Variants in BAIAP2L1 observed in about 807,000 individuals in gnomAD.
BAIAP2L1 encodes the protein BAR/IMD domain-containing adapter protein 2-like 1.
In BAIAP2L1, 35 loss-of-function variants were observed where a neutral mutation model predicts 66.3. The observed-to-expected ratio is 0.53, with a 90% CI of 0.40 to 0.70. The LOEUF (loss-of-function observed/expected upper bound fraction) is 0.70. BAIAP2L1 is among the 30% of genes least tolerant of loss of function. The pLI is 0.00. For missense variants in BAIAP2L1, 622 were observed against 656.9 expected (o/e 0.95, Z 0.58); for synonymous variants, 269 against 248.7 (o/e 1.08, Z -0.77).
chr7:98,356,211 G>C (rs919529279), intron 2 of BAIAP2L1, among the ~76,000 whole-genome samples: 1 of 152,192 alleles, frequency 6.6e-6, no homozygotes, highest in Non-Finnish European at 1.5e-5. Context: ...GTGAGTGACA[G>C]ATGAACAAAT....
chr7:98,343,115 C>T (rs771317165), intron 3 of BAIAP2L1, among the ~76,000 whole-genome samples: 1 of 151,708 alleles, frequency 6.6e-6, no homozygotes, highest in Non-Finnish European at 1.5e-5. Flanking sequence ...ACAGTGGGAG[C>T]GGCCAGGCGC....
chr7:98,363,842 T>G (rs1802329507), intron 1 of BAIAP2L1, among the ~76,000 whole-genome samples: 1 of 152,092 alleles, frequency 6.6e-6, no homozygotes, highest in Non-Finnish European at 1.5e-5. Context: ...CACATACCCT[T>G]CAGAATAAAT....
intron 2 of BAIAP2L1, 95 bp downstream of exon 2, chr7:98,362,262 T>TAA: frequency 1.1e-6 from 1 of 950,006 alleles, no homozygotes; most frequent in Non-Finnish European, 1.6e-6. Context: ...TTTAACCACT[T>TAA]AAAGGTATTT....
chr7:98,357,049 A>ATTTTT (rs750965128), intron 2 of BAIAP2L1, among the ~76,000 whole-genome samples: 2 of 12,614 alleles, frequency 1.6e-4, no homozygotes, highest in African/African-American at 2.8e-4. Context: ...ATATATATAT[A>ATTTTT]TTTTTTTTTT....
chr7:98,393,166 T>TACATATATGTACAC (rs1803107405), intron 1 of BAIAP2L1, among the ~76,000 whole-genome samples: 3 of 73,180 alleles, frequency 4.1e-5, no homozygotes, highest in Admixed American at 3.4e-4. Flanking sequence ...TACACATATA[T>TACATATATGTACAC]GTATATATAT....
intron 2 of BAIAP2L1, among the ~76,000 whole-genome samples, chr7:98,356,539 C>A (rs1802121053): frequency 6.6e-6 from 1 of 151,594 alleles, no homozygotes; most frequent in Non-Finnish European, 1.5e-5. Flanking sequence ...TTCTTTCACC[C>A]AGGCTGGAGT....
In BAIAP2L1 at chr7:98,394,242, A is replaced by AAAAC. The variant is rs58526170; in HGVS notation, c.51+6556_51+6559dup. On this transcript the variant is annotated intron_variant, in intron 1 of 13. Transcript: ENST00000005260. The stretch of plus-strand genomic sequence containing the variant: ...TGGGCGACAGGGAGACTCCGTCTCA[A>AAAAC]AAACAAACAAACAAACAAAAAAACC... Among the ~76,000 whole-genome samples the AAAAC allele has an allele frequency of 2.1e-3, 322 of 150,548 alleles. 1 individual carries two copies. The highest frequency in any genetic ancestry group is 3.5e-3 in the Admixed American group (53 of 15,054).
intron 2 of BAIAP2L1, 133 bp downstream of exon 2, chr7:98,362,224 C>T (rs1052777994): frequency 1.5e-6 from 1 of 675,530 alleles, no homozygotes; most frequent in Non-Finnish European, 2.5e-6. Context: ...TTGCAAAGTT[C>T]TGTAGATTAA....
At chr7:98,300,455 G>A (rs1296843971) in intron 12 of BAIAP2L1, among the ~76,000 whole-genome samples, 1 of 152,248 alleles carries the variant, frequency 6.6e-6, no homozygotes, top group Non-Finnish European at 1.5e-5. Flanking sequence ...TTTGCAGTCT[G>A]CATAGGATGT....
At chr7:98,348,247 C>T (rs1801920103) in intron 3 of BAIAP2L1, among the ~76,000 whole-genome samples, 1 of 152,148 alleles carries the variant, frequency 6.6e-6, no homozygotes, top group South Asian at 2.1e-4. Context: ...GAGACTTGAA[C>T]AACTGGTTCA....
rs1213251442 is a variant in BAIAP2L1 at position 98,355,028 on chromosome 7, G to C, written c.214+14C>G. The stretch of plus-strand genomic sequence containing the variant: ...GACAAGTGGGGTTTATGTATAAAGG[G>C]ACAGATCGCTCACCCAGTTCAGTTG... On this transcript the variant is annotated intron_variant, in intron 3 of 13. Transcript: ENST00000005260. 6.2e-7 allele frequency: 1 copy of C among 1,602,718 alleles called. No individual in the cohort carries two copies. The highest frequency in any genetic ancestry group is 8.5e-7 in the Non-Finnish European group (1 of 1,169,726).
intron 3 of BAIAP2L1, among the ~76,000 whole-genome samples, chr7:98,343,617 CGTTAAT>C (rs1218384174): frequency 6.6e-6 from 1 of 152,078 alleles, no homozygotes; most frequent in Non-Finnish European, 1.5e-5. Context: ...AGGATTATGT[CGTTAAT>C]GCACCTTAAA....
chr7:98,363,411 C>T (rs1201563930), intron 1 of BAIAP2L1, among the ~76,000 whole-genome samples: 2 of 152,126 alleles, frequency 1.3e-5, no homozygotes, highest in African/African-American at 4.8e-5. Context: ...ACCCTGTGCA[C>T]ACAGCTAAGG....
chr7:98,400,675 C>G, intron 1 of BAIAP2L1, 127 bp downstream of exon 1: 1 of 1,081,046 alleles, frequency 9.3e-7, no homozygotes. Context: ...TGGGAGAGAC[C>G]GGGAGAGGTG....
chr7:98,347,439 G>C (rs570088121), intron 3 of BAIAP2L1, among the ~76,000 whole-genome samples: 1 of 152,098 alleles, frequency 6.6e-6, no homozygotes, highest in Non-Finnish European at 1.5e-5. Flanking sequence ...ATGCAAAACA[G>C]GGCTGCCTGT....
intron 3 of BAIAP2L1, among the ~76,000 whole-genome samples, chr7:98,352,352 G>A (rs933899944): frequency 1.3e-5 from 2 of 152,082 alleles, no homozygotes; most frequent in African/African-American, 2.4e-5. Context: ...AAATACATAC[G>A]CACAAGTGGC....
chr7:98,355,291 CG>C (rs557539882), intron 2 of BAIAP2L1, 163 bp from the exon 3 acceptor site: 25 of 624,240 alleles, frequency 4.0e-5, no homozygotes, highest in Middle Eastern at 4.2e-4. Flanking sequence ...AGAGTGGTGC[CG>C]GGGTGGAGGC....
At chr7:98,385,813 G>A (rs1200963836) in intron 1 of BAIAP2L1, 8 of 1,532,118 alleles carry the variant, frequency 5.2e-6, no homozygotes, top group Middle Eastern at 1.7e-4. Flanking sequence ...TTCTTGGACT[G>A]GTGGTTCATA....
chr7:98,361,854 C>T (rs1368009304), intron 2 of BAIAP2L1, among the ~76,000 whole-genome samples: 1 of 152,120 alleles, frequency 6.6e-6, no homozygotes, highest in Admixed American at 6.6e-5. Flanking sequence ...TCCCGCCACA[C>T]ACTCCTGAGT....
Sources: gnomAD v4.1 joint callset for allele counts (sites outside exome capture counted in the v4.1 genomes callset) on GRCh38, gnomAD v4.1.1 for gene constraint, MANE v1.5 for transcripts, NCBI Gene and HGNC (gene_info 2026-07-23, HGNC 2026-07-21) for gene names.